Variants in CXCR5 observed in about 807,000 individuals in gnomAD.
The protein encoded by CXCR5 is C-X-C chemokine receptor type 5.
A neutral mutation model predicts 5.6 loss-of-function variants in CXCR5; 3 were observed. The observed-to-expected ratio is 0.54, with a 90% CI of 0.24 to 1.39. The LOEUF is 1.39. Ranked by LOEUF, CXCR5 falls within the 40% of genes most tolerant of loss-of-function variation. CXCR5 has a pLI of 0.16. For missense variants in CXCR5, 333 were observed against 494.6 expected (o/e 0.67, Z 3.10); for synonymous variants, 218 against 219.9 (o/e 0.99, Z 0.08).
rs750477386 is a variant in CXCR5, at chr11:118,894,447, C to T, written c.903C>T (p.Pro301=). ...CCTGCAAGCTGAATGGCTCTCTCCCCGTGGCCATCACCATGTGTGAGTTCC... is the reference window on the plus strand; with the variant it reads ...CCTGCAAGCTGAATGGCTCTCTCCCTGTGGCCATCACCATGTGTGAGTTCC... The part of the protein sequence containing the change: ...DNTCKLNGSL[P]VAITMCEFLG... Residue 301 remains proline (P), a synonymous_variant, in exon 2 of 2, where the codon CCC becomes CCT. Coordinates refer to ENST00000292174, the MANE Select transcript of CXCR5 (RefSeq NM_001716.5). The surrounding 1 kb of genome is among the most constrained non-coding windows in gnomAD (Gnocchi z 6.1). 1.7e-5 allele frequency: 27 copies of T among 1,613,884 alleles called. 1 individual carries two copies. The highest frequency in any genetic ancestry group is 1.1e-4 in the South Asian group (10 of 91,078).
In CXCR5 at chr11:118,897,758, T is replaced by C; in HGVS notation, c.*3095T>C. ...AAGGGGGGAAGGGTTTCTTTTATCC[T>C]TTTTTTTTTGTGTGACTTCTATCAA... is the stretch of plus-strand genomic sequence containing the variant. On this transcript the variant is annotated 3_prime_UTR_variant, in exon 2 of 2. Transcript: ENST00000292174. The C allele has an allele frequency of 3.3e-6, 1 of 302,632 alleles. No homozygotes were observed. Among genetic ancestry groups the C allele is most frequent in the South Asian group, 2.1e-5 (1 of 47,848 alleles). 18.7% of individuals were successfully genotyped at this position (302,632 alleles called of 1,614,324 possible).
At position 118,897,524 on chromosome 11, in the gene CXCR5, T is replaced by TG. The variant is rs1939963353; in HGVS notation, c.*2866dup. ...CTCAGCAGCAGACAGGCTGCCGCCCTGGGGGTCTCAGCCCTGCTAGGGCTC... is the reference window on the plus strand; with the variant it reads ...CTCAGCAGCAGACAGGCTGCCGCCCTGGGGGGTCTCAGCCCTGCTAGGGCTC... On this transcript the variant is annotated 3_prime_UTR_variant, in exon 2 of 2. Coordinates refer to ENST00000292174, the MANE Select transcript of CXCR5 (RefSeq NM_001716.5). 1.8e-5 allele frequency: 6 copies of TG among 338,120 alleles called. No individual in the cohort carries two copies. Among genetic ancestry groups the TG allele is most frequent in the South Asian group, 1.3e-4 (6 of 44,490 alleles). The allele number at this position is 338,120 out of a possible 1,614,324, so 20.9% of individuals were successfully genotyped here.
At chr11:118,890,205 C>T (rs962431048) in intron 1 of CXCR5, among the ~76,000 whole-genome samples, 3 of 152,170 alleles carry the variant, frequency 2.0e-5, no homozygotes, top group Admixed American at 1.3e-4. Context: ...CAGAAGATTA[C>T]GGAGTGAGTC....
At position 118,890,669 on chromosome 11, in the gene CXCR5, A is replaced by C. The variant is rs180992217; in HGVS notation, c.52-2927A>C. On this transcript the variant is annotated intron_variant, in intron 1 of 1. Transcript: ENST00000292174. ...AGTTTGAAAGGTCAGAGGAATATAC[A>C]TTTGGGAAGAACATAAAGGCTGTGT... Among the ~76,000 whole-genome samples, 717 of 152,314 alleles carry C rather than the reference A, an allele frequency of 4.7e-3. 4 individuals are homozygous for C. The highest frequency in any genetic ancestry group is 0.016 in the African/African-American group (664 of 41,574).
chr11:118,884,829 T>G (rs78327531), intron 1 of CXCR5, among the ~76,000 whole-genome samples: 71 of 152,204 alleles, frequency 4.7e-4, no homozygotes, highest in Admixed American at 8.5e-4. Flanking sequence ...GATGTGTGTG[T>G]GTGTGGAGCA....
At chr11:118,888,268 C>T (rs928016012) in intron 1 of CXCR5, among the ~76,000 whole-genome samples, 3 of 152,136 alleles carry the variant, frequency 2.0e-5, no homozygotes, top group African/African-American at 7.2e-5. Flanking sequence ...AAAGTTCTCC[C>T]TCCTTTGACT....
rs909809471 is a variant in CXCR5 at position 118,893,193 on chromosome 11, G to C, written c.52-403G>C. Among the ~76,000 whole-genome samples, 1 of 147,410 alleles carries C rather than the reference G, an allele frequency of 6.8e-6. No individual in the cohort carries two copies. The highest frequency in any genetic ancestry group is 2.2e-4 in the East Asian group (1 of 4,550). On this transcript the variant is annotated intron_variant, in intron 1 of 1. Coordinates refer to ENST00000292174, the MANE Select transcript of CXCR5 (RefSeq NM_001716.5). This position sits in a 1 kb window ranked among gnomAD's most constrained non-coding sequence, Gnocchi z 5.7. ...AGCACAATGCTAAGTTGCAGTGCCC[G>C]ACTGTTCTGCTCAGAACTGGAACAG...
In CXCR5 at chr11:118,894,827, A is replaced by C; in HGVS notation, c.*164A>C. On this transcript the variant is annotated 3_prime_UTR_variant, in exon 2 of 2. Transcript: ENST00000292174. The surrounding 1 kb of genome is among the most constrained non-coding windows in gnomAD (Gnocchi z 6.1). ...AGGAACCAACCCCCATTTCTAGAAC[A>C]TCCCTGCCAGCTCTTCTGCCGGCCC... 4.3e-5 allele frequency: 25 copies of C among 584,024 alleles called. No individual in the cohort carries two copies. The highest frequency in any genetic ancestry group is 6.3e-5 in the Non-Finnish European group (23 of 366,906). 36.2% of individuals were successfully genotyped at this position (584,024 alleles called of 1,614,324 possible).
At chr11:118,891,844 C>T in intron 1 of CXCR5, among the ~76,000 whole-genome samples, 1 of 131,692 alleles carries the variant, frequency 7.6e-6, no homozygotes, top group East Asian at 2.1e-4. Flanking sequence ...GCACTCCAGC[C>T]TGGGCAACAA....
At chr11:118,888,847 C>G (rs1290123243) in intron 1 of CXCR5, among the ~76,000 whole-genome samples, 4 of 152,166 alleles carry the variant, frequency 2.6e-5, no homozygotes, top group African/African-American at 9.7e-5. Context: ...GGAGGGGACC[C>G]AGGATAGATC....
intron 1 of CXCR5, chr11:118,886,977 G>A (rs1939723296): frequency 6.5e-6 from 1 of 152,676 alleles, no homozygotes; most frequent in Non-Finnish European, 1.5e-5. Flanking sequence ...GCTTCATCTA[G>A]GGGAAAGGGA....
chr11:118,892,792 G>A (rs986280531), intron 1 of CXCR5, among the ~76,000 whole-genome samples: 3 of 152,010 alleles, frequency 2.0e-5, no homozygotes, highest in South Asian at 2.1e-4. Flanking sequence ...TCCCCGTGTC[G>A]CCCTCACTTT....
Position 118,893,748 on chromosome 11 carries a change from C to G in CXCR5, c.204C>G (p.Gly68=). ...YSLIFLLGVI[G]NVLVLVILER... ...TCATCTTCCTCCTGGGCGTGATCGGCAACGTCCTGGTGCTGGTGATCCTGG... is the reference window on the plus strand; with the variant it reads ...TCATCTTCCTCCTGGGCGTGATCGGGAACGTCCTGGTGCTGGTGATCCTGG... Residue 68 remains glycine, a synonymous_variant, in exon 2 of 2, where the codon GGC becomes GGG. Coordinates refer to ENST00000292174, the MANE Select transcript of CXCR5 (RefSeq NM_001716.5). This position sits in a 1 kb window ranked among gnomAD's most constrained non-coding sequence, Gnocchi z 5.7. 1 of 1,614,224 alleles carries G rather than the reference C, an allele frequency of 6.2e-7. No homozygotes were observed. The highest frequency in any genetic ancestry group is 1.1e-5 in the South Asian group (1 of 91,090).
At chr11:118,885,324 C>A (rs553362898) in intron 1 of CXCR5, among the ~76,000 whole-genome samples, 1 of 152,280 alleles carries the variant, frequency 6.6e-6, no homozygotes, top group East Asian at 1.9e-4. Flanking sequence ...AAACATGGGG[C>A]CCCTTGTTGA....
rs145847903 is a variant in CXCR5 at position 118,889,815 on chromosome 11, G to A, written c.52-3781G>A. On this transcript the variant is annotated intron_variant, in intron 1 of 1. Transcript: ENST00000292174. The stretch of plus-strand genomic sequence containing the variant: ...CTCTAAATCTGGTTCTCAGGAGATG[G>A]GAGCCCTAGGGAGATGTCCCACTGC... Among the ~76,000 whole-genome samples the A allele has an allele frequency of 1.0e-3, 157 of 152,270 alleles. 3 individuals are homozygous for A. Among genetic ancestry groups the A allele is most frequent in the South Asian group, 2.3e-3 (11 of 4,824 alleles).
chr11:118,894,192 C>T lies in CXCR5; in HGVS notation c.648C>T (p.Phe216=). The T allele has an allele frequency of 3.1e-6, 5 of 1,614,132 alleles. No individual in the cohort carries two copies. Among genetic ancestry groups the T allele is most frequent in the Non-Finnish European group, 3.4e-6 (4 of 1,180,044 alleles). The stretch of plus-strand genomic sequence containing the variant: ...ACCAAGCAGAAACGCATGCCTGGTT[C>T]ACCTCCCGATTCCTCTACCATGTGG... ...QENQAETHAW[F]TSRFLYHVAG... The change falls in exon 2 of 2, where the codon TTC becomes TTT. Residue 216 remains phenylalanine (F), a synonymous_variant. Transcript: ENST00000292174. The surrounding 1 kb of genome is among the most constrained non-coding windows in gnomAD (Gnocchi z 6.1).
At position 118,895,064 on chromosome 11, in the gene CXCR5, C is replaced by T. The variant is rs145657278; in HGVS notation, c.*401C>T. 685 of 183,418 alleles carry T rather than the reference C, an allele frequency of 3.7e-3. 7 individuals are homozygous for T. Among genetic ancestry groups the T allele is most frequent in the African/African-American group, 0.015 (653 of 42,242 alleles). The allele number at this position is 183,418 out of a possible 1,614,324, so 11.4% of individuals were successfully genotyped here. ...ACTCCATCAGCTTAGGGGCTGCTGA[C>T]CTCCACAGCTTCCCCTCTCTCCTCC... On this transcript the variant is annotated 3_prime_UTR_variant, in exon 2 of 2. Coordinates refer to ENST00000292174, the MANE Select transcript of CXCR5 (RefSeq NM_001716.5). The surrounding 1 kb of genome is among the most constrained non-coding windows in gnomAD (Gnocchi z 4.2).
intron 1 of CXCR5, among the ~76,000 whole-genome samples, chr11:118,890,464 T>C (rs1939792681): frequency 6.6e-6 from 1 of 151,786 alleles, no homozygotes; most frequent in Non-Finnish European, 1.5e-5. Context: ...CCGGGAAGGA[T>C]GTCTGAAGAT....
rs1939873573 is a variant in CXCR5 at position 118,894,675 on chromosome 11, C to T, written c.*12C>T. The stretch of plus-strand genomic sequence containing the variant: ...TCACCACGTTCTAGGTCCCAGTGTC[C>T]CCTTTTATTGCTGCTTTTCCTTGGG... On this transcript the variant is annotated 3_prime_UTR_variant, in exon 2 of 2. Transcript: ENST00000292174. This position sits in a 1 kb window ranked among gnomAD's most constrained non-coding sequence, Gnocchi z 6.1. 4 of 1,505,056 alleles carry T rather than the reference C, an allele frequency of 2.7e-6. No individual in the cohort carries two copies. In the South Asian group the frequency reaches 5.5e-5, roughly 21 times the overall value. 93.2% of individuals were successfully genotyped at this position (1,505,056 alleles called of 1,614,324 possible).
Sources: allele counts gnomAD v4.1 joint callset (sites outside exome capture counted in the v4.1 genomes callset), GRCh38; gene constraint gnomAD v4.1.1; non-coding constraint Gnocchi (gnomAD v3.1); transcripts MANE v1.5; gene names NCBI Gene and HGNC (gene_info 2026-07-23, HGNC 2026-07-21).